PACSIN2: variants seen among roughly 807,000 people sequenced by gnomAD.
PACSIN2 encodes protein kinase C and casein kinase substrate in neurons protein 2.
PACSIN2 carries 25 observed loss-of-function variants against 63.8 expected under a neutral mutation model. That is an observed-to-expected ratio of 0.39 (90% confidence interval 0.29 to 0.55). PACSIN2 has a LOEUF of 0.55. PACSIN2 is among the 20% of genes least tolerant of loss of function. The probability of loss-of-function intolerance (pLI) is 0.62; values close to 1 mark genes in which losing one functional copy is unlikely to be tolerated. For missense variants in PACSIN2, 518 were observed against 646.9 expected, an observed-to-expected ratio of 0.80 and a Z score of 2.16; for synonymous variants, 255 against 256.2, an observed-to-expected ratio of 1.00 and a Z score of 0.05.
At chr22:42,914,932 C>T (rs928003176) in intron 1 of PACSIN2, among the ~76,000 whole-genome samples, 2 of 152,212 alleles carry the variant, frequency 1.3e-5, no homozygotes, top group Non-Finnish European at 2.9e-5. Flanking sequence ...CATGATCACA[C>T]AGCTCACTGC....
At chr22:42,987,526 C>T in intron 1 of PACSIN2, among the ~76,000 whole-genome samples, 2 of 43,244 alleles carry the variant, frequency 4.6e-5, no homozygotes, top group Non-Finnish European at 7.2e-5. Context: ...CGGGCACATT[C>T]ATTCTTTTTT....
chr22:42,967,726 A>G (rs996737655), intron 1 of PACSIN2, among the ~76,000 whole-genome samples: 1 of 152,044 alleles, frequency 6.6e-6, no homozygotes, highest in African/African-American at 2.4e-5. Flanking sequence ...ATCTCTACTA[A>G]AAATACAAAA....
In PACSIN2 at chr22:42,940,559, T is replaced by G. The variant is rs527656281; in HGVS notation, c.-77-28402A>C. 3.1e-3 allele frequency among the ~76,000 whole-genome samples: 471 copies of G among 152,264 alleles called. 3 individuals carry two copies. Among genetic ancestry groups the G allele is most frequent in the African/African-American group, 0.011 (464 of 41,566 alleles). On this transcript the variant is annotated intron_variant, in intron 1 of 10. Transcript: ENST00000263246. ...CACCAGAAGCAGTGCCACCAGAATA[T>G]GAGCCCCGCCCTGGGACAGGGCACA...
At chr22:42,979,423 C>T (rs1263839873) in intron 1 of PACSIN2, among the ~76,000 whole-genome samples, 2 of 148,198 alleles carry the variant, frequency 1.3e-5, no homozygotes, top group Admixed American at 1.4e-4. Context: ...ACTCCAAAGG[C>T]TGAGGCATGG....
chr22:43,013,822 C>A (rs988498499), intron 1 of PACSIN2, among the ~76,000 whole-genome samples: 17 of 152,150 alleles, frequency 1.1e-4, no homozygotes, highest in African/African-American at 4.1e-4. Context: ...TACCAAGTAG[C>A]CCTGGAGACT....
intron 1 of PACSIN2, among the ~76,000 whole-genome samples, chr22:42,965,551 C>A (rs1920946257): frequency 6.6e-6 from 1 of 152,252 alleles, no homozygotes; most frequent in East Asian, 1.9e-4. Flanking sequence ...ACAGTGGTGA[C>A]TGACATTAAC....
intron 2 of PACSIN2, among the ~76,000 whole-genome samples, chr22:42,894,630 G>C (rs548264530): frequency 1.3e-5 from 2 of 152,116 alleles, no homozygotes; most frequent in African/African-American, 4.8e-5. Context: ...GCCTTTTTTC[G>C]TATATGAAAA....
At chr22:42,919,112 T>C (rs148668812) in intron 1 of PACSIN2, among the ~76,000 whole-genome samples, 2 of 152,288 alleles carry the variant, frequency 1.3e-5, no homozygotes, top group Non-Finnish European at 2.9e-5. Context: ...AATTTATTAA[T>C]GCAAAAAATA....
chr22:42,914,017 A>C (rs944302184), intron 1 of PACSIN2, among the ~76,000 whole-genome samples: 1 of 152,224 alleles, frequency 6.6e-6, no homozygotes, highest in Non-Finnish European at 1.5e-5. Flanking sequence ...CTTCAAAGCC[A>C]AGTCCTCCAA....
chr22:42,982,981 G>C (rs1166321971), intron 1 of PACSIN2, among the ~76,000 whole-genome samples: 4 of 150,468 alleles, frequency 2.7e-5, no homozygotes, highest in African/African-American at 9.8e-5. Context: ...ACGAGTTCAA[G>C]ACCAGCGTGG....
chr22:42,871,525 A>C lies in PACSIN2; in HGVS notation c.1349-56T>G. ...AGAGGTATGACACCGACGGTGGGCT[A>C]CAGAGCCGCATTCACGAGCTTTGAG... On this transcript the variant is annotated intron_variant, in intron 10 of 10. Transcript: ENST00000263246. The surrounding 1 kb of genome is among the most constrained non-coding windows in gnomAD (Gnocchi z 5.4). The C allele has an allele frequency of 2.2e-6, 3 of 1,341,784 alleles. No homozygotes were observed. The highest frequency in any genetic ancestry group is 1.1e-6 in the Non-Finnish European group (1 of 931,762). The allele number at this position is 1,341,784 out of a possible 1,614,324, so 83.1% of individuals were successfully genotyped here. A position where few individuals can be genotyped will look rare whatever the true frequency, so the allele number is the denominator to read the frequency against.
intron 1 of PACSIN2, among the ~76,000 whole-genome samples, chr22:42,999,402 G>A (rs1381566236): frequency 1.3e-5 from 2 of 152,224 alleles, no homozygotes; most frequent in Non-Finnish European, 1.5e-5. Flanking sequence ...AGGCGTGGTG[G>A]CTCATGCCTC....
At chr22:42,905,931 C>G (rs917547523) in intron 2 of PACSIN2, among the ~76,000 whole-genome samples, 1 of 152,232 alleles carries the variant, frequency 6.6e-6, no homozygotes, top group Admixed American at 6.5e-5. Context: ...TCAGTCATAT[C>G]TACCTGACCA....
At chr22:42,969,258 C>T (rs1921061928) in intron 1 of PACSIN2, among the ~76,000 whole-genome samples, 3 of 152,148 alleles carry the variant, frequency 2.0e-5, no homozygotes. Context: ...TCTCATTTTA[C>T]AAATTTCTTT....
At chr22:42,904,777 C>T (rs1057032909) in intron 2 of PACSIN2, among the ~76,000 whole-genome samples, 1 of 152,182 alleles carries the variant, frequency 6.6e-6, no homozygotes, top group African/African-American at 2.4e-5. Flanking sequence ...GCACCCGAAT[C>T]CTGGTTTACT....
At chr22:42,905,582 T>A (rs1185820077) in intron 2 of PACSIN2, among the ~76,000 whole-genome samples, 1 of 152,216 alleles carries the variant, frequency 6.6e-6, no homozygotes, top group Non-Finnish European at 1.5e-5. Flanking sequence ...CACCCCAAAT[T>A]CTGCTTTCTT....
chr22:42,969,091 T>C (rs1921049692), intron 1 of PACSIN2, among the ~76,000 whole-genome samples: 1 of 137,676 alleles, frequency 7.3e-6, no homozygotes, highest in African/African-American at 2.9e-5. Flanking sequence ...CTCTGACTAA[T>C]ACAGCCACGT....
chr22:42,936,172 C>T (rs181011500), intron 1 of PACSIN2, among the ~76,000 whole-genome samples: 2,251 of 150,624 alleles, frequency 0.015, 51 homozygotes, highest in African/African-American at 0.051. Flanking sequence ...GCCAAGATTG[C>T]GCCACTGCAC....
chr22:42,959,653 G>C (rs923025921), intron 1 of PACSIN2: 1 of 152,140 alleles, frequency 6.6e-6, no homozygotes, highest in African/African-American at 2.4e-5. Flanking sequence ...TTGCCGTCAC[G>C]GAGCTCTAAA....
Sources: allele counts gnomAD v4.1 joint callset (sites outside exome capture counted in the v4.1 genomes callset), GRCh38; gene constraint gnomAD v4.1.1; non-coding constraint Gnocchi (gnomAD v3.1); transcripts MANE v1.5; gene names NCBI Gene and HGNC (gene_info 2026-07-23, HGNC 2026-07-21).